Variants in ZSCAN5A observed in about 807,000 individuals in gnomAD.
ZSCAN5A encodes the protein zinc finger and SCAN domain containing 5A.
Under a neutral mutation model 23.7 loss-of-function variants are expected in ZSCAN5A, and 12 were observed. The ratio of observed to expected loss-of-function variants is 0.51; its 90% confidence interval spans 0.32 to 0.82. ZSCAN5A has a LOEUF of 0.82. Among genes scored for constraint, ZSCAN5A ranks in the 40% least tolerant of loss-of-function variants. The probability of loss-of-function intolerance (pLI) is 0.03; values close to 1 mark genes in which losing one functional copy is unlikely to be tolerated. For synonymous variants in ZSCAN5A, 257 were observed against 239.9 expected (o/e 1.07, Z -0.66); for missense variants, 597 against 617.9 (o/e 0.97, Z 0.36).
chr19:56,357,381 GT>G (rs2041706109), intron 2 of ZSCAN5A, among the ~76,000 whole-genome samples: 1 of 148,202 alleles, frequency 6.7e-6, no homozygotes, highest in Admixed American at 6.7e-5. Flanking sequence ...CACATGTTTT[GT>G]TGGTACACGC....
At chr19:56,288,392 A>T (rs769831560) in intron 2 of ZSCAN5A, among the ~76,000 whole-genome samples, 5 of 152,250 alleles carry the variant, frequency 3.3e-5, no homozygotes, top group East Asian at 1.9e-4. Context: ...CAGGTCTCAG[A>T]CACAACATCA....
intron 2 of ZSCAN5A, among the ~76,000 whole-genome samples, chr19:56,261,516 A>C (rs2037128077): frequency 6.6e-6 from 1 of 152,238 alleles, no homozygotes; most frequent in Admixed American, 6.5e-5. Context: ...TTATCTGTCC[A>C]GTATTCCCCA....
intron 2 of ZSCAN5A, among the ~76,000 whole-genome samples, chr19:56,249,618 C>T (rs965908199): frequency 1.3e-5 from 2 of 152,196 alleles, no homozygotes; most frequent in African/African-American, 4.8e-5. Flanking sequence ...ATAGAGCTCG[C>T]CAATGCTCTG....
chr19:56,312,755 A>T (rs1437305143), intron 2 of ZSCAN5A, among the ~76,000 whole-genome samples: 3 of 152,234 alleles, frequency 2.0e-5, no homozygotes, highest in Non-Finnish European at 4.4e-5. Context: ...AATTATCCCA[A>T]AATTAAAAAT....
chr19:56,256,627 G>C (rs1376293326), intron 2 of ZSCAN5A, among the ~76,000 whole-genome samples: 1 of 152,240 alleles, frequency 6.6e-6, no homozygotes, highest in East Asian at 1.9e-4. Flanking sequence ...GCAGAAAAAC[G>C]GGGGAGACAC....
At position 56,354,098 on chromosome 19, in the gene ZSCAN5A, G is replaced by A. The variant is rs183811680; in HGVS notation, c.-358+9137C>T. On this transcript the variant is annotated intron_variant, in intron 2 of 6. Transcript: ENST00000587340. ...TACCTGGTATAGAAATATTCATAGAGAGGGAAAGTAGTGTGGTGGTTGCGA... is the reference window on the plus strand; with the variant it reads ...TACCTGGTATAGAAATATTCATAGAAAGGGAAAGTAGTGTGGTGGTTGCGA... Among the ~76,000 whole-genome samples the A allele has an allele frequency of 3.5e-3, 530 of 152,324 alleles. 4 individuals carry two copies. The highest frequency in any genetic ancestry group is 6.3e-3 in the Non-Finnish European group (428 of 68,030).
chr19:56,326,216 C>T (rs1469064042), intron 2 of ZSCAN5A, among the ~76,000 whole-genome samples: 1 of 151,964 alleles, frequency 6.6e-6, no homozygotes, highest in Non-Finnish European at 1.5e-5. Flanking sequence ...GGATTACAGG[C>T]GTGAGCCACC....
intron 2 of ZSCAN5A, chr19:56,322,048 G>A: frequency 1.3e-6 from 1 of 772,654 alleles, no homozygotes. Flanking sequence ...TCTGGTGACG[G>A]CATCTAGTGC....
chr19:56,356,850 T>G lies in ZSCAN5A; in HGVS notation c.-358+6385A>C, dbSNP rs112814084. 3.3e-3 allele frequency among the ~76,000 whole-genome samples: 484 copies of G among 148,662 alleles called. 53 individuals carry two copies. The highest frequency in any genetic ancestry group is 0.012 in the African/African-American group (466 of 39,470). On this transcript the variant is annotated intron_variant, in intron 2 of 6. Transcript: ENST00000587340. ...TCTTTTATATATACTCCTTTACTGCTTCTCAGGTTCATCCCTGGACCTGCA... is the reference window on the plus strand; with the variant it reads ...TCTTTTATATATACTCCTTTACTGCGTCTCAGGTTCATCCCTGGACCTGCA...
intron 2 of ZSCAN5A, among the ~76,000 whole-genome samples, chr19:56,278,778 C>T (rs2038455487): frequency 6.6e-6 from 1 of 152,130 alleles, no homozygotes; most frequent in Non-Finnish European, 1.5e-5. Context: ...GCTCAGGGAG[C>T]TGTTGGTTCA....
At chr19:56,245,577 A>G (rs1011323245) in intron 2 of ZSCAN5A, among the ~76,000 whole-genome samples, 7 of 152,232 alleles carry the variant, frequency 4.6e-5, no homozygotes, top group Non-Finnish European at 2.9e-5. Context: ...TTCCTGAGTC[A>G]TCACAGAGAA....
chr19:56,331,498 GT>G (rs1167865463), intron 2 of ZSCAN5A, among the ~76,000 whole-genome samples: 2 of 142,834 alleles, frequency 1.4e-5, no homozygotes, highest in East Asian at 4.1e-4. Flanking sequence ...AGTTCCCCTG[GT>G]AGAGATGTTT....
At chr19:56,321,076 G>C (rs1357505862) in intron 2 of ZSCAN5A, 2 of 701,276 alleles carry the variant, frequency 2.9e-6, no homozygotes, top group African/African-American at 3.5e-5. Context: ...GATAGACTGA[G>C]TATCTGCAGA....
rs541784799 is a variant in ZSCAN5A at position 56,228,808 on chromosome 19, A to AT, written c.-127-3636dup. 1.5e-3 allele frequency among the ~76,000 whole-genome samples: 236 copies of AT among 152,288 alleles called. 2 individuals are homozygous for AT. Among genetic ancestry groups the AT allele is most frequent in the South Asian group, 6.8e-3 (33 of 4,822 alleles). On this transcript the variant is annotated intron_variant, in intron 2 of 5. Transcript: ENST00000683990. ...TGATACATAATGAATATTGGTGATA[A>AT]TTTTTTATTTTTTAAAAAGAATATT...
chr19:56,250,261 G>C (rs1387989799), intron 2 of ZSCAN5A, among the ~76,000 whole-genome samples: 1 of 152,148 alleles, frequency 6.6e-6, no homozygotes, highest in Non-Finnish European at 1.5e-5. Flanking sequence ...ATTGATGCCT[G>C]ACTCTCACCC....
chr19:56,295,387 A>C (rs1294410165), intron 2 of ZSCAN5A, among the ~76,000 whole-genome samples: 3 of 152,056 alleles, frequency 2.0e-5, no homozygotes, highest in Non-Finnish European at 4.4e-5. Context: ...TCAGGTCAGG[A>C]GTTCTAGACC....
intron 2 of ZSCAN5A, chr19:56,302,876 C>T: frequency 2.5e-6 from 1 of 398,690 alleles, no homozygotes. Flanking sequence ...TTGCTGGTTG[C>T]TGGGGACTCT....
Position 56,224,473 on chromosome 19 carries a change from C to A in ZSCAN5A, c.384+190G>T, listed in dbSNP as rs148607212. ...GTCCTGAGCGTTAGAGAACGCTTAG[C>A]AGCGTCTCCTGTCCTCCCTGACAAC... On this transcript the variant is annotated intron_variant, in intron 3 of 5. Coordinates refer to ENST00000683990, the MANE Select transcript of ZSCAN5A (RefSeq NM_001322064.3). The A allele has an allele frequency of 4.5e-4, 375 of 836,724 alleles. 3 individuals are homozygous for A. In the African/African-American group the frequency reaches 5.7e-3, roughly 13 times the overall value. 51.8% of individuals were successfully genotyped at this position (836,724 alleles called of 1,614,324 possible).
intron 4 of ZSCAN5A, among the ~76,000 whole-genome samples, chr19:56,223,282 A>G (rs1458554723): frequency 6.6e-6 from 1 of 152,220 alleles, no homozygotes; most frequent in Non-Finnish European, 1.5e-5. Context: ...GAAATTGACA[A>G]TCTGTAGAAA....
Sources: gnomAD v4.1 joint callset for allele counts (sites outside exome capture counted in the v4.1 genomes callset) on GRCh38, gnomAD v4.1.1 for gene constraint, MANE v1.5 for transcripts, NCBI Gene and HGNC (gene_info 2026-07-23, HGNC 2026-07-21) for gene names.